FYB1: variants seen among roughly 807,000 people sequenced by gnomAD.
The protein encoded by FYB1 is FYN binding protein 1, also known as FYN-binding protein 1.
In FYB1, 41 loss-of-function variants were observed where a neutral mutation model predicts 94.1. That is an observed-to-expected ratio of 0.44 (90% CI 0.34 to 0.57). The LOEUF (loss-of-function observed/expected upper bound fraction) is 0.57. Among genes scored for constraint, FYB1 ranks in the 20% least tolerant of loss-of-function variants. The probability of loss-of-function intolerance (pLI) is 0.02; values close to 1 mark genes in which losing one functional copy is unlikely to be tolerated. For synonymous variants in FYB1, 367 were observed against 353.2 expected, an observed-to-expected ratio of 1.04 and a Z score of -0.44; for missense variants, 1,050 against 976.8, an observed-to-expected ratio of 1.07 and a Z score of -1.00.
At position 39,127,918 on chromosome 5, in the gene FYB1, C is replaced by A. The variant is rs1426347841; in HGVS notation, c.1841-111G>T. ...TTATTTAACTGCAGAGAGCATTTCACTTTCATGTAAACCATTTAAATAAAA... is the reference window on the plus strand; with the variant it reads ...TTATTTAACTGCAGAGAGCATTTCAATTTCATGTAAACCATTTAAATAAAA... On this transcript the variant is annotated intron_variant, in intron 10 of 18. Transcript: ENST00000512982. 8 of 983,872 alleles carry A rather than the reference C, an allele frequency of 8.1e-6. No homozygotes were observed. In the South Asian group the frequency reaches 1.4e-4, roughly 17 times the overall value. The allele number at this position is 983,872 out of a possible 1,614,324, so 60.9% of individuals were successfully genotyped here.
intron 12 of FYB1, 130 bp from the exon 13 acceptor site, chr5:39,124,408 T>C: frequency 1.9e-6 from 1 of 521,858 alleles, no homozygotes. Flanking sequence ...TTGACCATCA[T>C]TTCTTTCTCA....
rs771828495 is a variant in FYB1, at chr5:39,134,840, G to A, written c.1675+15C>T. 6.2e-7 allele frequency: 1 copy of A among 1,613,154 alleles called. No homozygotes were observed. Among genetic ancestry groups the A allele is most frequent in the Admixed American group, 1.7e-5 (1 of 59,946 alleles). ...AAAGAAAATACTTCGAAGCCATAGA[G>A]AAATTTGCACTCACATGAACCCCTT... On this transcript the variant is annotated intron_variant, in intron 8 of 18. Transcript: ENST00000512982.
intron 1 of FYB1, among the ~76,000 whole-genome samples, chr5:39,244,727 C>T (rs554125216): frequency 6.6e-6 from 1 of 152,296 alleles, no homozygotes; most frequent in African/African-American, 2.4e-5. Context: ...ACCAGCTCCT[C>T]CTTGTACCTC....
upstream of FYB1, among the ~76,000 whole-genome samples, chr5:39,223,642 GTAATTCTAA>G (rs1750359196): frequency 6.6e-6 from 1 of 152,134 alleles, no homozygotes; most frequent in Non-Finnish European, 1.5e-5. Flanking sequence ...CCATGCAAGA[GTAATTCTAA>G]GCAAATGATG....
chr5:39,272,922 T>C (rs1364342104), intron 1 of FYB1, among the ~76,000 whole-genome samples: 1 of 152,218 alleles, frequency 6.6e-6, no homozygotes, highest in African/African-American at 2.4e-5. Context: ...TTGAAATAAA[T>C]TTAGTGGTCT....
chr5:39,177,905 A>T (rs1042368153), intron 2 of FYB1, among the ~76,000 whole-genome samples: 4 of 152,200 alleles, frequency 2.6e-5, no homozygotes, highest in Non-Finnish European at 5.9e-5. Context: ...CCGCTTCCCC[A>T]TCTCAAGCAA....
chr5:39,230,801 G>T (rs113534047), intron 1 of FYB1, among the ~76,000 whole-genome samples: 1 of 151,138 alleles, frequency 6.6e-6, no homozygotes, highest in Non-Finnish European at 1.5e-5. Flanking sequence ...GTACAGCTGA[G>T]AATTGCTGAC....
chr5:39,235,226 G>C (rs1484601412), intron 1 of FYB1, among the ~76,000 whole-genome samples: 1 of 151,780 alleles, frequency 6.6e-6, no homozygotes, highest in Non-Finnish European at 1.5e-5. Flanking sequence ...AACAATGACT[G>C]TCAGAAAGCT....
chr5:39,130,416 G>A (rs1035012169), intron 10 of FYB1, among the ~76,000 whole-genome samples, 174 bp downstream of exon 10: 18 of 151,984 alleles, frequency 1.2e-4, no homozygotes, highest in African/African-American at 2.9e-4. Flanking sequence ...GTGAGAACTC[G>A]AAATGTTCTC....
rs1024433227 is a variant in FYB1, at chr5:39,202,624, C to A, written c.337G>T (p.Val113Leu). 6.2e-7 allele frequency: 1 copy of A among 1,613,806 alleles called. No homozygotes were observed. The highest frequency in any genetic ancestry group is 8.5e-7 in the Non-Finnish European group (1 of 1,179,844). ...PEAKVGFLKPVGPKPINLPKE... is the reference protein window; with the variant it reads ...PEAKVGFLKPLGPKPINLPKE... The stretch of plus-strand genomic sequence containing the variant: ...GGCAAGTTGATGGGCTTGGGGCCTA[C>A]AGGTTTCAGAAATCCCACTTTCGCC... Residue 113 changes from valine (V) to leucine (L), a missense_variant, in exon 2 of 19, where the codon GTA (valine) becomes TTA (leucine). Val to Leu is a conservative substitution (Grantham distance 32, BLOSUM62 1). Coordinates refer to ENST00000512982, the MANE Select transcript of FYB1 (RefSeq NM_001465.6).
intron 1 of FYB1, among the ~76,000 whole-genome samples, chr5:39,251,182 A>G (rs1751697166): frequency 6.6e-6 from 1 of 152,198 alleles, no homozygotes; most frequent in African/African-American, 2.4e-5. Flanking sequence ...GAGGCCTGTG[A>G]TCTGCAACAG....
chr5:39,156,314 AC>A (rs1225396867), intron 2 of FYB1, among the ~76,000 whole-genome samples: 1 of 152,072 alleles, frequency 6.6e-6, no homozygotes, highest in Non-Finnish European at 1.5e-5. Context: ...AACTTGAGAA[AC>A]CCAGGAAGGG....
chr5:39,115,677 G>T (rs1457796089), intron 16 of FYB1, among the ~76,000 whole-genome samples: 1 of 152,068 alleles, frequency 6.6e-6, no homozygotes, highest in Non-Finnish European at 1.5e-5. Context: ...GAATGAATTA[G>T]CTATTTTTAA....
intron 1 of FYB1, among the ~76,000 whole-genome samples, chr5:39,234,039 G>T (rs968924739): frequency 6.6e-6 from 1 of 152,062 alleles, no homozygotes; most frequent in South Asian, 2.1e-4. Context: ...GTTATCTGTG[G>T]CTAACTCTTT....
chr5:39,108,146 C>G, intron 18 of FYB1, 85 bp downstream of exon 18: 1 of 1,280,776 alleles, frequency 7.8e-7, no homozygotes, highest in Non-Finnish European at 1.1e-6. Flanking sequence ...TTGGAAGTCT[C>G]TAATCCAACA....
At chr5:39,158,672 C>G (rs1407282647) in intron 2 of FYB1, among the ~76,000 whole-genome samples, 1 of 152,128 alleles carries the variant, frequency 6.6e-6, no homozygotes, top group African/African-American at 2.4e-5. Flanking sequence ...GGATATCTAC[C>G]TTGTAGATTC....
intron 3 of FYB1, among the ~76,000 whole-genome samples, chr5:39,150,688 C>T (rs903485203): frequency 3.3e-5 from 5 of 152,128 alleles, no homozygotes; most frequent in Non-Finnish European, 5.9e-5. Context: ...TCCCATTTTC[C>T]TTCATACACT....
At chr5:39,171,282 T>C (rs1745228128) in intron 2 of FYB1, among the ~76,000 whole-genome samples, 1 of 149,226 alleles carries the variant, frequency 6.7e-6, no homozygotes, top group African/African-American at 2.5e-5. Flanking sequence ...AGACACTCTG[T>C]CTCCAAAAAA....
chr5:39,122,802 C>T lies in FYB1; in HGVS notation c.2072-400G>A, dbSNP rs1740254851. On this transcript the variant is annotated intron_variant, in intron 13 of 18. Transcript: ENST00000512982. ...TGAGATTCTTATGGGATTTAGGGTG[C>T]TGTGATAATATATATCATCCTATTT... 2.6e-5 allele frequency among the ~76,000 whole-genome samples: 4 copies of T among 152,184 alleles called. No homozygotes were observed. In the South Asian group the frequency reaches 8.3e-4, roughly 32 times the overall value.
Sources: allele counts gnomAD v4.1 joint callset (sites outside exome capture counted in the v4.1 genomes callset), GRCh38; gene constraint gnomAD v4.1.1; transcripts MANE v1.5; gene names NCBI Gene and HGNC (gene_info 2026-07-23, HGNC 2026-07-21).